NLGN1: variants seen among roughly 807,000 people sequenced by gnomAD.
NLGN1 encodes the protein neuroligin-1.
A neutral mutation model predicts 65.5 loss-of-function variants in NLGN1; 12 were observed. That is an observed-to-expected ratio of 0.18 (90% CI 0.12 to 0.30). NLGN1 has a LOEUF of 0.30. Ranked by LOEUF, NLGN1 falls within the 10% of genes least tolerant of loss-of-function variation. NLGN1 has a pLI of 1.00. For missense variants in NLGN1, 750 were observed against 1,007.1 expected (o/e 0.74, Z 3.46); for synonymous variants, 350 against 359.5 (o/e 0.97, Z 0.30).
In NLGN1 at chr3:173,688,079, T is replaced by C. The variant is rs9832442; in HGVS notation, c.493+82988T>C. On this transcript the variant is annotated intron_variant, in intron 3 of 6. Transcript: ENST00000457714. The stretch of plus-strand genomic sequence containing the variant: ...ACAAAATTGTATGTATTCAGTTGAG[T>C]TGTAGACCTAGACTATGTCTGATGA... 4.8e-3 allele frequency among the ~76,000 whole-genome samples: 726 copies of C among 152,236 alleles called. 8 individuals carry two copies. The highest frequency in any genetic ancestry group is 0.017 in the African/African-American group (697 of 41,540).
chr3:173,571,903 G>C (rs1744712467), intron 2 of NLGN1, among the ~76,000 whole-genome samples: 1 of 152,048 alleles, frequency 6.6e-6, no homozygotes, highest in Non-Finnish European at 1.5e-5. Context: ...AATGTGAACA[G>C]GGTAAAAAAT....
intron 2 of NLGN1, among the ~76,000 whole-genome samples, chr3:173,468,551 G>A (rs535902496): frequency 5.9e-5 from 9 of 152,112 alleles, no homozygotes; most frequent in South Asian, 4.1e-4. Context: ...CATCAATGTA[G>A]GTGGATACTC....
chr3:174,241,693 C>A (rs551764139), intron 4 of NLGN1, among the ~76,000 whole-genome samples: 1 of 151,438 alleles, frequency 6.6e-6, no homozygotes, highest in South Asian at 2.1e-4. Context: ...TCGTTCTGTC[C>A]CCCAGGCTGG....
intron 2 of NLGN1, among the ~76,000 whole-genome samples, chr3:173,449,368 C>G (rs1292606053): frequency 6.6e-6 from 1 of 151,762 alleles, no homozygotes; most frequent in Admixed American, 6.6e-5. Flanking sequence ...TGTAGTTGAG[C>G]GGTTTTGAGT....
At chr3:173,499,769 A>C (rs1393734385) in intron 2 of NLGN1, among the ~76,000 whole-genome samples, 2 of 151,930 alleles carry the variant, frequency 1.3e-5, no homozygotes, top group African/African-American at 2.4e-5. Flanking sequence ...GAGATCCTTC[A>C]CATCCCTTGT....
intron 2 of NLGN1, among the ~76,000 whole-genome samples, chr3:173,539,920 CGTGTGT>C (rs143354352): frequency 5.7e-5 from 8 of 140,914 alleles, no homozygotes; most frequent in Admixed American, 1.5e-4. Context: ...ATATAACATA[CGTGTGT>C]GTGTGTGTGT....
At chr3:173,821,546 A>G (rs1021840319) in intron 4 of NLGN1, among the ~76,000 whole-genome samples, 19 of 152,190 alleles carry the variant, frequency 1.2e-4, no homozygotes, top group African/African-American at 4.6e-4. Flanking sequence ...CTTAAAATAT[A>G]CCACAATTTT....
intron 3 of NLGN1, among the ~76,000 whole-genome samples, chr3:173,619,845 G>A (rs1347426707): frequency 6.6e-6 from 1 of 152,120 alleles, no homozygotes; most frequent in Non-Finnish European, 1.5e-5. Flanking sequence ...ATCTTGGATG[G>A]GAGCTGGAGA....
Position 173,584,399 on chromosome 3 carries a change from ATTTTTTTTTTTTT to A in NLGN1, c.-320-19859_-320-19847del, listed in dbSNP as rs66827074. On this transcript the variant is annotated intron_variant, in intron 2 of 6. Coordinates refer to ENST00000457714, the Ensembl canonical transcript of NLGN1. ...TTAGGGTAAAACCAGGGTCCTCGGCATTTTTTTTTTTTTTTTTTTTTTTTTTTTTTTTTGCGAG... is the reference window on the plus strand; with the variant it reads ...TTAGGGTAAAACCAGGGTCCTCGGCATTTTTTTTTTTTTTTTTTTTGCGAG... Among the ~76,000 whole-genome samples, 48 of 30,820 alleles carry A rather than the reference ATTTTTTTTTTTTT, an allele frequency of 1.6e-3. 1 individual carries two copies. The highest frequency in any genetic ancestry group is 8.7e-3 in the South Asian group (4 of 462). The allele number at this position is 30,820 out of a possible 152,430, so 20.2% of individuals were successfully genotyped here.
chr3:174,255,625 C>CT (rs1273600071), intron 4 of NLGN1, among the ~76,000 whole-genome samples: 2,472 of 133,420 alleles, frequency 0.019, 47 homozygotes, highest in African/African-American at 0.049. Flanking sequence ...TTTTCTCTTT[C>CT]TTTCTTTTCT....
At chr3:173,721,370 G>C (rs958436863) in intron 3 of NLGN1, among the ~76,000 whole-genome samples, 7 of 152,102 alleles carry the variant, frequency 4.6e-5, no homozygotes, top group Admixed American at 3.3e-4. Context: ...AATGTTTTTT[G>C]GTATATTGAC....
At chr3:173,829,070 A>G in intron 4 of NLGN1, among the ~76,000 whole-genome samples, 1 of 152,084 alleles carries the variant, frequency 6.6e-6, no homozygotes, top group East Asian at 1.9e-4. Flanking sequence ...GGGAGACCAG[A>G]TGGAAGGCTA....
At position 173,714,841 on chromosome 3, in the gene NLGN1, T is replaced by C. The variant is rs73880551; in HGVS notation, c.494-92839T>C. 3.4e-3 allele frequency among the ~76,000 whole-genome samples: 519 copies of C among 152,140 alleles called. 5 individuals carry two copies. Among genetic ancestry groups the C allele is most frequent in the African/African-American group, 0.012 (492 of 41,514 alleles). ...AACTGGTAGAAGAAAAGGAGGTAAA[T>C]GAGCAGGGTAAAATGAGAAGGGTTT... is the stretch of plus-strand genomic sequence containing the variant. On this transcript the variant is annotated intron_variant, in intron 3 of 6. Transcript: ENST00000457714.
intron 1 of NLGN1, among the ~76,000 whole-genome samples, chr3:173,409,841 A>G (rs1712139716): frequency 6.6e-6 from 1 of 152,242 alleles, no homozygotes; most frequent in Non-Finnish European, 1.5e-5. Context: ...CAGGAAGATC[A>G]GTTTAAACCA....
chr3:173,803,452 A>T (rs997918405), intron 3 of NLGN1, among the ~76,000 whole-genome samples: 4 of 151,910 alleles, frequency 2.6e-5, no homozygotes, highest in African/African-American at 9.7e-5. Flanking sequence ...AACTAAAAAT[A>T]AAAAAATGAG....
intron 2 of NLGN1, among the ~76,000 whole-genome samples, chr3:173,498,826 G>A (rs1172556869): frequency 6.6e-6 from 1 of 151,822 alleles, no homozygotes; most frequent in Non-Finnish European, 1.5e-5. Flanking sequence ...ATTTTTTCAT[G>A]TGTCTGTTGG....
intron 4 of NLGN1, among the ~76,000 whole-genome samples, chr3:173,887,449 T>C (rs1734561856): frequency 6.6e-6 from 1 of 152,046 alleles, no homozygotes; most frequent in Non-Finnish European, 1.5e-5. Flanking sequence ...GGTGAATTTT[T>C]TTCTAAAACA....
chr3:174,162,101 A>G (rs1256515712), intron 4 of NLGN1, among the ~76,000 whole-genome samples: 1 of 151,898 alleles, frequency 6.6e-6, no homozygotes, highest in African/African-American at 2.4e-5. Context: ...TGGACAATTT[A>G]GTTTCTAAAT....
chr3:173,563,574 G>T (rs1449637054), intron 2 of NLGN1, among the ~76,000 whole-genome samples: 2 of 152,110 alleles, frequency 1.3e-5, no homozygotes, highest in South Asian at 2.1e-4. Context: ...TCTTTGATAC[G>T]CTTGTATCTG....
Sources: allele counts gnomAD v4.1 joint callset (sites outside exome capture counted in the v4.1 genomes callset), GRCh38; gene constraint gnomAD v4.1.1; transcripts MANE v1.5; gene names NCBI Gene and HGNC (gene_info 2026-07-23, HGNC 2026-07-21).